ZNF423: variants seen among roughly 807,000 people sequenced by gnomAD.
ZNF423 encodes the protein Ebf-associated zinc finger protein.
In ZNF423, 12 loss-of-function variants were observed where a neutral mutation model predicts 95.8. The ratio of observed to expected loss-of-function variants is 0.13; its 90% CI spans 0.08 to 0.20. The LOEUF (loss-of-function observed/expected upper bound fraction) is 0.20, where lower values mean the gene tolerates loss of function less well. Among genes scored for constraint, ZNF423 ranks in the 10% least tolerant of loss-of-function variants. The probability of loss-of-function intolerance (pLI) is 1.00; values close to 1 mark genes in which losing one functional copy is unlikely to be tolerated. For missense variants in ZNF423, 1,316 were observed against 1,737.1 expected (o/e 0.76, Z 4.31); for synonymous variants, 749 against 711.9 (o/e 1.05, Z -0.83).
intron 7 of ZNF423, among the ~76,000 whole-genome samples, chr16:49,516,835 C>G (rs1968167583): frequency 6.6e-6 from 1 of 152,236 alleles, no homozygotes; most frequent in Admixed American, 6.5e-5. Context: ...CCAGATTCCC[C>G]CTCCAGGGAT....
intron 5 of ZNF423, among the ~76,000 whole-genome samples, chr16:49,538,175 T>C (rs1453097263): frequency 2.0e-5 from 3 of 152,128 alleles, no homozygotes; most frequent in African/African-American, 4.8e-5. Context: ...AATGGGCTCA[T>C]TGCTGAGCAG....
At chr16:49,499,384 C>A (rs1047687050) in intron 7 of ZNF423, among the ~76,000 whole-genome samples, 1 of 152,254 alleles carries the variant, frequency 6.6e-6, no homozygotes, top group Admixed American at 6.5e-5. Flanking sequence ...AGCCTCAATT[C>A]ATCCGGAACT....
intron 5 of ZNF423, among the ~76,000 whole-genome samples, chr16:49,600,796 GCTCC>G (rs1238144207): frequency 6.6e-6 from 1 of 152,164 alleles, no homozygotes; most frequent in Non-Finnish European, 1.5e-5. Context: ...GAGTGCTCCG[GCTCC>G]GACACCAAAG....
At chr16:49,598,479 A>G (rs1382896073) in intron 5 of ZNF423, among the ~76,000 whole-genome samples, 1 of 152,242 alleles carries the variant, frequency 6.6e-6, no homozygotes, top group Non-Finnish European at 1.5e-5. Context: ...CAGTGAAGGG[A>G]AACAGGTGTC....
intron 5 of ZNF423, among the ~76,000 whole-genome samples, chr16:49,591,925 A>G (rs1045994687): frequency 2.0e-5 from 3 of 152,180 alleles, no homozygotes; most frequent in African/African-American, 7.2e-5. Context: ...GCAGGAGGTG[A>G]ACTTCTGGGG....
At chr16:49,789,123 C>T (rs2034367269) in intron 2 of ZNF423, among the ~76,000 whole-genome samples, 1 of 152,028 alleles carries the variant, frequency 6.6e-6, no homozygotes, top group South Asian at 2.1e-4. Context: ...CTGATGTAGA[C>T]TGGAGTTTAA....
intron 3 of ZNF423, among the ~76,000 whole-genome samples, chr16:49,690,663 G>A (rs1402448625): frequency 6.6e-6 from 1 of 152,224 alleles, no homozygotes; most frequent in East Asian, 1.9e-4. Flanking sequence ...TTCTGGAGGA[G>A]GCAGCGAGGG....
At chr16:49,608,545 T>C (rs571924991) in intron 5 of ZNF423, among the ~76,000 whole-genome samples, 1 of 152,156 alleles carries the variant, frequency 6.6e-6, no homozygotes, top group South Asian at 2.1e-4. Context: ...CAGAAGAAGA[T>C]TCAGAAAGGC....
intron 1 of ZNF423, among the ~76,000 whole-genome samples, chr16:49,806,982 G>A (rs558936271): frequency 4.7e-5 from 7 of 150,482 alleles, no homozygotes; most frequent in Non-Finnish European, 7.4e-5. Flanking sequence ...AGCCGAGATC[G>A]TGCCATTGCA....
chr16:49,735,506 C>T (rs988873712), intron 2 of ZNF423, among the ~76,000 whole-genome samples: 9 of 152,306 alleles, frequency 5.9e-5, no homozygotes, highest in Middle Eastern at 3.4e-3. Context: ...CCTTGACTCC[C>T]TCATCATAAC....
chr16:49,751,197 T>C (rs1022388443), intron 2 of ZNF423, among the ~76,000 whole-genome samples: 3 of 152,204 alleles, frequency 2.0e-5, no homozygotes, highest in Non-Finnish European at 4.4e-5. Context: ...TACTTTAAAA[T>C]AACTCAGCTT....
intron 3 of ZNF423, among the ~76,000 whole-genome samples, chr16:49,650,876 A>G (rs769868276): frequency 6.6e-6 from 1 of 152,198 alleles, no homozygotes; most frequent in Non-Finnish European, 1.5e-5. Context: ...GTCATAGGTC[A>G]TCATGGCTGT....
intron 5 of ZNF423, among the ~76,000 whole-genome samples, chr16:49,609,264 G>A (rs2151841627): frequency 6.6e-6 from 1 of 152,258 alleles, no homozygotes; most frequent in East Asian, 1.9e-4. Flanking sequence ...AAAACAGAGG[G>A]TTTAAATAAG....
upstream of ZNF423, among the ~76,000 whole-genome samples, chr16:49,858,851 TC>T (rs1403528660): frequency 6.6e-6 from 1 of 151,008 alleles, no homozygotes; most frequent in Non-Finnish European, 1.5e-5. This position sits in a 1 kb window ranked among gnomAD's most constrained non-coding sequence, Gnocchi z 4.3. Flanking sequence ...AATCAGCCGC[TC>T]CCCCACCCCC....
intron 3 of ZNF423, among the ~76,000 whole-genome samples, chr16:49,707,365 G>A (rs1437153364): frequency 6.6e-6 from 1 of 152,186 alleles, no homozygotes; most frequent in African/African-American, 2.4e-5. Flanking sequence ...TGTAATCCTA[G>A]CACTTTGGGA....
intron 3 of ZNF423, among the ~76,000 whole-genome samples, chr16:49,653,880 C>G (rs1252844178): frequency 6.6e-6 from 1 of 152,212 alleles, no homozygotes; most frequent in African/African-American, 2.4e-5. Flanking sequence ...GTGTCTCCTG[C>G]ATCTTTCTAG....
At chr16:49,770,093 G>A (rs2034005825) in intron 2 of ZNF423, among the ~76,000 whole-genome samples, 2 of 152,202 alleles carry the variant, frequency 1.3e-5, no homozygotes, top group Non-Finnish European at 2.9e-5. Flanking sequence ...CCACAAGACT[G>A]TGAGCTCTGA....
chr16:49,754,029 CAAA>C (rs35566540), intron 2 of ZNF423, among the ~76,000 whole-genome samples: 9 of 91,666 alleles, frequency 9.8e-5, no homozygotes, highest in Admixed American at 4.5e-4. Context: ...AAGACTCCGT[CAAA>C]AAAAAAAAAA....
chr16:49,551,385 C>T (rs1969628802), intron 5 of ZNF423, among the ~76,000 whole-genome samples: 1 of 152,202 alleles, frequency 6.6e-6, no homozygotes, highest in African/African-American at 2.4e-5. Context: ...CATCCCCCCT[C>T]CCAAAATACA....
Sources: allele counts gnomAD v4.1 joint callset (sites outside exome capture counted in the v4.1 genomes callset), GRCh38; gene constraint gnomAD v4.1.1; non-coding constraint Gnocchi (gnomAD v3.1); transcripts MANE v1.5; gene names NCBI Gene and HGNC (gene_info 2026-07-23, HGNC 2026-07-21).